Variants in LHX2 observed in about 807,000 individuals in gnomAD.
LHX2 encodes the protein LIM homeobox 2.
LHX2 carries 6 observed loss-of-function variants against 33.0 expected under a neutral mutation model. The ratio of observed to expected loss-of-function variants is 0.18; its 90% CI spans 0.10 to 0.36. LHX2 has a LOEUF of 0.36. LHX2 is among the 10% of genes least tolerant of loss of function. The probability of loss-of-function intolerance (pLI) is 1.00; values close to 1 mark genes in which losing one functional copy is unlikely to be tolerated. For missense variants in LHX2, 442 were observed against 586.2 expected (o/e 0.75, Z 2.54); for synonymous variants, 292 against 253.1 (o/e 1.15, Z -1.46).
Position 124,012,432 on chromosome 9 carries a change from C to T in LHX2, c.84C>T (p.Ala28=). Residue 28 remains alanine (A), a synonymous_variant, in exon 1 of 5, where the codon GCC becomes GCT. Coordinates refer to ENST00000373615, the MANE Select transcript of LHX2 (RefSeq NM_004789.4). This position sits in a 1 kb window ranked among gnomAD's most constrained non-coding sequence, Gnocchi z 4.3. ...GCAGGGCCAAGAGCGAGGCTCCCGCCATCAGCTCCGCCATCGACCGCGGCG... is the reference window on the plus strand; with the variant it reads ...GCAGGGCCAAGAGCGAGGCTCCCGCTATCAGCTCCGCCATCGACCGCGGCG... The part of the protein sequence containing the change: ...MDRRAKSEAP[A]ISSAIDRGDT... The T allele has an allele frequency of 6.5e-7, 1 of 1,542,172 alleles. No individual in the cohort carries two copies. Among genetic ancestry groups the T allele is most frequent in the Non-Finnish European group, 8.7e-7 (1 of 1,150,390 alleles).
chr9:124,013,971 C>T lies in LHX2; in HGVS notation c.131C>T (p.Ser44Phe), dbSNP rs1859138706. 2.5e-6 allele frequency: 4 copies of T among 1,612,722 alleles called. No individual in the cohort carries two copies. The highest frequency in any genetic ancestry group is 3.4e-6 in the Non-Finnish European group (4 of 1,179,812). The change falls in exon 2 of 5, where the codon TCC becomes TTC. Residue 44 changes from serine to phenylalanine, a missense_variant. By Grantham distance (155) the Ser-to-Phe change is radical (BLOSUM62 -2). Coordinates refer to ENST00000373615, the MANE Select transcript of LHX2 (RefSeq NM_004789.4). ...DRGDTETTMP[S>F]ISSDRAALCA... is the part of the protein sequence containing the mutation. The stretch of plus-strand genomic sequence containing the variant: ...TCCCTCCCTTCGCAGACCATGCCGT[C>T]CATCAGCAGTGACCGCGCCGCGCTG...
chr9:124,030,434 G>A (rs983639792), intron 4 of LHX2, among the ~76,000 whole-genome samples: 2 of 152,156 alleles, frequency 1.3e-5, no homozygotes, highest in African/African-American at 4.8e-5. Context: ...CTCACGCAAA[G>A]GGAAGTGAAG....
rs1859178811 is a variant in LHX2 at position 124,015,750 on chromosome 9, C to T, written c.727+225C>T. On this transcript the variant is annotated intron_variant, in intron 3 of 4. Coordinates refer to ENST00000373615, the MANE Select transcript of LHX2 (RefSeq NM_004789.4). This position sits in a 1 kb window ranked among gnomAD's most constrained non-coding sequence, Gnocchi z 7.9. ...TCCCTTGCTGCTCCGGGTGCAGGGC[C>T]TTGTCTCTGATAAATTGTTTTTTTG... is the stretch of plus-strand genomic sequence containing the variant. Among the ~76,000 whole-genome samples the T allele has an allele frequency of 6.6e-6, 1 of 152,246 alleles. No homozygotes were observed. Among genetic ancestry groups the T allele is most frequent in the Admixed American group, 6.5e-5 (1 of 15,290 alleles).
intron 4 of LHX2, among the ~76,000 whole-genome samples, chr9:124,031,114 C>T (rs1417529410): frequency 2.0e-5 from 3 of 152,148 alleles, no homozygotes; most frequent in African/African-American, 2.4e-5. Flanking sequence ...CCTCATAAGT[C>T]GATACGGGAT....
chr9:124,021,391 C>A (rs1280635740), intron 4 of LHX2, 87 bp downstream of exon 4: 26 of 1,151,234 alleles, frequency 2.3e-5, no homozygotes, highest in Middle Eastern at 2.0e-4. Flanking sequence ...CTTGGAAGGA[C>A]CTTCCACCCT....
In LHX2 at chr9:124,032,503, G is replaced by C. The variant is rs138022431; in HGVS notation, c.1017G>C (p.Ala339=). 1,551 of 1,613,136 alleles carry C rather than the reference G, an allele frequency of 9.6e-4. 1 individual carries two copies. Among genetic ancestry groups the C allele is most frequent in the Non-Finnish European group, 9.0e-4 (1,065 of 1,179,948 alleles). ...CGGGCGTGGACAAGTCGACAGACGC[G>C]GCGCTGCAGACAGGGACGCCATCGG... ...ENTGVDKSTD[A]ALQTGTPSGP... is the part of the protein sequence containing the mutation. The change falls in exon 5 of 5, where the codon GCG becomes GCC. Residue 339 remains alanine (A), a synonymous_variant. Coordinates refer to ENST00000373615, the MANE Select transcript of LHX2 (RefSeq NM_004789.4). This position sits in a 1 kb window ranked among gnomAD's most constrained non-coding sequence, Gnocchi z 4.1.
In LHX2 at chr9:124,013,837, G is replaced by A. The variant is rs1285828659; in HGVS notation, c.121-124G>A. On this transcript the variant is annotated intron_variant, in intron 1 of 4. Transcript: ENST00000373615. ...GGGGGGAAGCGCGCCGCATGTCCTG[G>A]CAGCCCCCTCCGCGTTCAGGGTAGC... The A allele has an allele frequency of 1.4e-5, 12 of 842,612 alleles. No homozygotes were observed. The Admixed American group carries it at 2.4e-4, about 17-fold the overall frequency. The allele number at this position is 842,612 out of a possible 1,614,324, so 52.2% of individuals were successfully genotyped here. A position where few individuals can be genotyped will look rare whatever the true frequency, so the allele number is the denominator to read the frequency against.
At chr9:124,028,496 T>C (rs1211030710) in intron 4 of LHX2, among the ~76,000 whole-genome samples, 4 of 152,148 alleles carry the variant, frequency 2.6e-5, no homozygotes, top group Admixed American at 6.5e-5. Context: ...CTGAGAGCCA[T>C]AGAGATCGTA....
At chr9:124,022,008 T>A (rs3780681) in intron 4 of LHX2, 62,274 of 152,040 alleles carry the variant, frequency 0.41, 13,128 homozygotes, top group Admixed American at 0.49. Context: ...GCGAGTAACT[T>A]CTTAATAGAG....
At chr9:124,018,579 C>G (rs574439370) in intron 3 of LHX2, among the ~76,000 whole-genome samples, 2 of 152,328 alleles carry the variant, frequency 1.3e-5, no homozygotes, top group African/African-American at 4.8e-5. Context: ...AGGCCTCCCC[C>G]GCAGGGACCG....
chr9:124,012,527 G>A lies in LHX2; in HGVS notation c.120+59G>A, dbSNP rs942369746. On this transcript the variant is annotated intron_variant, in intron 1 of 4. Transcript: ENST00000373615. The surrounding 1 kb of genome is among the most constrained non-coding windows in gnomAD (Gnocchi z 4.3). The stretch of plus-strand genomic sequence containing the variant: ...CTGGGATGGGGCCGGGCCAGTCAGC[G>A]CCTCTGCTCCCCGAAGTTTGGGGAG... The A allele has an allele frequency of 6.3e-5, 89 of 1,423,812 alleles. No homozygotes were observed. Among genetic ancestry groups the A allele is most frequent in the Non-Finnish European group, 6.7e-5 (73 of 1,087,182 alleles). 88.2% of individuals were successfully genotyped at this position (1,423,812 alleles called of 1,614,324 possible).
rs891476244 is a variant in LHX2 at position 124,012,369 on chromosome 9, G to C, written c.21G>C (p.Ser7=). 6.6e-7 allele frequency: 1 copy of C among 1,523,840 alleles called. No homozygotes were observed. The highest frequency in any genetic ancestry group is 1.4e-5 in the African/African-American group (1 of 70,868). 94.4% of individuals were successfully genotyped at this position (1,523,840 alleles called of 1,614,324 possible). ...CCGCGATGCTGTTCCACAGTCTGTC[G>C]GGCCCCGAGGTGCACGGGGTCATCG... MLFHSL[S]GPEVHGVIDE... The change falls in exon 1 of 5, where the codon TCG becomes TCC. Residue 7 remains serine (S), a synonymous_variant. Coordinates refer to ENST00000373615, the MANE Select transcript of LHX2 (RefSeq NM_004789.4). The surrounding 1 kb of genome is among the most constrained non-coding windows in gnomAD (Gnocchi z 4.3).
Position 124,032,342 on chromosome 9 carries a change from C to A in LHX2, c.934-78C>A. On this transcript the variant is annotated intron_variant, in intron 4 of 4. Transcript: ENST00000373615. The surrounding 1 kb of genome is among the most constrained non-coding windows in gnomAD (Gnocchi z 4.1). Reference sequence around the variant, plus strand: ...CACAGATCAGCGTCCCCAGAGGCAGCAGAGCTCTGAGTGAAGCAGTCGGGG... The same window carrying A: ...CACAGATCAGCGTCCCCAGAGGCAGAAGAGCTCTGAGTGAAGCAGTCGGGG... The A allele has an allele frequency of 6.9e-7, 1 of 1,449,568 alleles. No homozygotes were observed. Among genetic ancestry groups the A allele is most frequent in the Non-Finnish European group, 9.2e-7 (1 of 1,087,720 alleles). 89.8% of individuals were successfully genotyped at this position (1,449,568 alleles called of 1,614,324 possible).
chr9:124,019,102 G>A lies in LHX2; in HGVS notation c.728-1997G>A, dbSNP rs79295598. Among the ~76,000 whole-genome samples the A allele has an allele frequency of 2.0e-3, 303 of 152,336 alleles. 6 individuals are homozygous for A. The East Asian group carries it at 0.025, about 12-fold the overall frequency. On this transcript the variant is annotated intron_variant, in intron 3 of 4. Coordinates refer to ENST00000373615, the MANE Select transcript of LHX2 (RefSeq NM_004789.4). Reference sequence around the variant, plus strand: ...TCAGCGGGTTCCAAGCAGTTCTGGTGGATCAGGTTCAGAGGCATCCTCTGA... The same window carrying A: ...TCAGCGGGTTCCAAGCAGTTCTGGTAGATCAGGTTCAGAGGCATCCTCTGA...
At chr9:124,025,689 A>G (rs1828608788) in intron 4 of LHX2, among the ~76,000 whole-genome samples, 1 of 152,148 alleles carries the variant, frequency 6.6e-6, no homozygotes, top group Admixed American at 6.5e-5. Context: ...AACAGCTTAA[A>G]AACCATCTTT....
Position 124,032,266 on chromosome 9 carries a change from C to A in LHX2, c.934-154C>A, listed in dbSNP as rs1352135082. On this transcript the variant is annotated intron_variant, in intron 4 of 4. Transcript: ENST00000373615. This position sits in a 1 kb window ranked among gnomAD's most constrained non-coding sequence, Gnocchi z 4.1. ...GCAAACAAAAACAAAAACAAAAAAA[C>A]CAAAAAAGCAAAATATTGCCAACCT... is the stretch of plus-strand genomic sequence containing the variant. 23 of 931,708 alleles carry A rather than the reference C, an allele frequency of 2.5e-5. No homozygotes were observed. Among genetic ancestry groups the A allele is most frequent in the South Asian group, 3.9e-5 (2 of 51,326 alleles). 57.7% of individuals were successfully genotyped at this position (931,708 alleles called of 1,614,324 possible).
chr9:124,019,885 G>A (rs2118761528), intron 3 of LHX2, among the ~76,000 whole-genome samples: 1 of 152,316 alleles, frequency 6.6e-6, no homozygotes, highest in Admixed American at 6.5e-5. Context: ...GAGGGGTCCT[G>A]CAGGTCCCCA....
At chr9:124,021,004 G>C in intron 3 of LHX2, 95 bp from the exon 4 acceptor site, 2 of 1,089,476 alleles carry the variant, frequency 1.8e-6, no homozygotes, top group Admixed American at 1.9e-5. Flanking sequence ...GCAGGGTTAA[G>C]GATTGAAATG....
At chr9:124,020,317 T>A (rs546888559) in intron 3 of LHX2, among the ~76,000 whole-genome samples, 160 of 152,308 alleles carry the variant, frequency 1.1e-3, no homozygotes, top group African/African-American at 3.6e-3. Flanking sequence ...CTCTGTGGAC[T>A]GCCGCAGATC....
Sources: gnomAD v4.1 joint callset for allele counts (sites outside exome capture counted in the v4.1 genomes callset) on GRCh38, gnomAD v4.1.1 for gene constraint, Gnocchi (gnomAD v3.1) non-coding constraint, MANE v1.5 for transcripts, NCBI Gene and HGNC (gene_info 2026-07-23, HGNC 2026-07-21) for gene names.